The following MYO15A variants were observed in gnomAD, a reference collection of about 807,000 sequenced individuals.
MYO15A encodes the protein unconventional myosin-XV.
In MYO15A, 308 loss-of-function variants were observed where a neutral mutation model predicts 394.6. The observed-to-expected ratio is 0.78, with a 90% CI of 0.71 to 0.86. MYO15A has a LOEUF of 0.86. Among genes scored for constraint, MYO15A ranks in the 40% least tolerant of loss-of-function variants. The pLI, the probability that MYO15A is intolerant of heterozygous loss-of-function variation, is 0.00. For missense variants in MYO15A, 4,606 were observed against 4,799.1 expected, an observed-to-expected ratio of 0.96 and a Z score of 1.19; for synonymous variants, 1,957 against 2,003.8, an observed-to-expected ratio of 0.98 and a Z score of 0.62.
chr17:18,177,539 C>T (rs2047031326), intron 65 of MYO15A: 1 of 152,238 alleles, frequency 6.6e-6, no homozygotes, highest in African/African-American at 2.4e-5. Flanking sequence ...TCCATTTGCA[C>T]ACGCTGATTT....
Position 18,122,549 on chromosome 17 carries a change from G to A in MYO15A, c.3609+140G>A, listed in dbSNP as rs896072021. ...TCAGTCTCTGGGTCTGTAAGTTGGGGAGAACAGCCTGGACCTCCCAGAACC... is the reference window on the plus strand; with the variant it reads ...TCAGTCTCTGGGTCTGTAAGTTGGGAAGAACAGCCTGGACCTCCCAGAACC... On this transcript the variant is annotated intron_variant, in intron 2 of 65. Coordinates refer to ENST00000647165, the MANE Select transcript of MYO15A (RefSeq NM_016239.4). 1.1e-5 allele frequency: 14 copies of A among 1,326,660 alleles called. No individual in the cohort carries two copies. The African/African-American group carries it at 1.9e-4, about 18-fold the overall frequency. 82.2% of individuals were successfully genotyped at this position (1,326,660 alleles called of 1,614,324 possible).
intron 13 of MYO15A, among the ~76,000 whole-genome samples, chr17:18,136,195 A>G (rs2046266558): frequency 6.6e-6 from 1 of 152,066 alleles, no homozygotes; most frequent in African/African-American, 2.4e-5. Flanking sequence ...GTATCTGCTG[A>G]TGCCTCTGTC....
rs367906164 is a variant in MYO15A at position 18,162,590 on chromosome 17, G to C, written c.9523G>C (p.Ala3175Pro). The part of the protein sequence containing the change: ...RTPGLPFQGI[A>P]KACEQNLQKT... ...TGAACTCCCTGCTTCTGCAGGGATC[G>C]CCAAGGCCTGCGAGCAGAACCTGCA... The change falls in exon 58 of 66, where the codon GCC becomes CCC. Residue 3175 changes from alanine (A) to proline (P), a missense_variant. Ala to Pro is a conservative substitution (Grantham distance 27). Transcript: ENST00000647165. 2 of 1,613,600 alleles carry C rather than the reference G, an allele frequency of 1.2e-6. No homozygotes were observed. The highest frequency in any genetic ancestry group is 3.3e-5 in the Admixed American group (2 of 60,002).
At chr17:18,158,757 AC>A in intron 52 of MYO15A, 119 bp downstream of exon 52, 1 of 1,409,486 alleles carries the variant, frequency 7.1e-7, no homozygotes. Flanking sequence ...ATGAGAGACC[AC>A]CCAGGTGTGA....
intron 16 of MYO15A, chr17:18,137,911 C>T: frequency 3.5e-6 from 3 of 854,828 alleles, no homozygotes; most frequent in South Asian, 1.7e-5. Flanking sequence ...CCTTCTTCTC[C>T]TCTACTGGGC....
chr17:18,121,507 C>T lies in MYO15A; in HGVS notation c.2707C>T (p.Pro903Ser), dbSNP rs1259710459. 16 of 1,554,818 alleles carry T rather than the reference C, an allele frequency of 1.0e-5. No individual in the cohort carries two copies. The highest frequency in any genetic ancestry group is 1.4e-5 in the African/African-American group (1 of 73,256). ...RPPRAGAWRA[P>S]LEHRESPREP... ...GCCCAGGGCCGGGGCCTGGCGGGCG[C>T]CCCTGGAACACCGGGAGAGCCCGCG... The change falls in exon 2 of 66, where the codon CCC becomes TCC. Residue 903 changes from proline (P) to serine (S), a missense_variant. Pro to Ser is a moderately conservative substitution (Grantham distance 74). Coordinates refer to ENST00000647165, the MANE Select transcript of MYO15A (RefSeq NM_016239.4). The surrounding 1 kb of genome is among the most constrained non-coding windows in gnomAD (Gnocchi z 5.3).
chr17:18,139,371 T>C (rs1597789615), intron 18 of MYO15A, 163 bp from the exon 19 acceptor site: 3 of 773,994 alleles, frequency 3.9e-6, no homozygotes, highest in African/African-American at 1.7e-5. Context: ...AAGACCCAGG[T>C]TGGTCATGAG....
chr17:18,172,306 C>T lies in MYO15A; in HGVS notation c.10350+16C>T. On this transcript the variant is annotated intron_variant, in intron 64 of 65. Coordinates refer to ENST00000647165, the MANE Select transcript of MYO15A (RefSeq NM_016239.4). ...AGAGACTCATGTGAGTGGCCTCAGCCTGGCACTGCCATCGCCACCCTCTGT... is the reference window on the plus strand; with the variant it reads ...AGAGACTCATGTGAGTGGCCTCAGCTTGGCACTGCCATCGCCACCCTCTGT... 6.2e-7 allele frequency: 1 copy of T among 1,614,196 alleles called. No individual in the cohort carries two copies. Among genetic ancestry groups the T allele is most frequent in the Non-Finnish European group, 8.5e-7 (1 of 1,180,038 alleles).
intron 1 of MYO15A, among the ~76,000 whole-genome samples, chr17:18,113,064 G>T (rs1330927364): frequency 6.6e-6 from 1 of 152,066 alleles, no homozygotes; most frequent in Non-Finnish European, 1.5e-5. Context: ...GCCCAGGCTG[G>T]TCTCGAACTC....
chr17:18,121,263 G>A lies in MYO15A; in HGVS notation c.2463G>A (p.Gln821=). The change falls in exon 2 of 66, where the codon CAG becomes CAA. Residue 821 remains glutamine, a synonymous_variant. Transcript: ENST00000647165. The surrounding 1 kb of genome is among the most constrained non-coding windows in gnomAD (Gnocchi z 5.3). Reference sequence around the variant, plus strand: ...CGGCCCGCCGGCCCCGCTCGCTGCAGGAGTCCCCAGCCCCACGCCGAGCCG... The same window carrying A: ...CGGCCCGCCGGCCCCGCTCGCTGCAAGAGTCCCCAGCCCCACGCCGAGCCG... The part of the protein sequence containing the change: ...LPPARRPRSL[Q]ESPAPRRAAG... The A allele has an allele frequency of 6.9e-7, 1 of 1,451,624 alleles. No individual in the cohort carries two copies. Among genetic ancestry groups the A allele is most frequent in the Non-Finnish European group, 9.0e-7 (1 of 1,106,292 alleles). 89.9% of individuals were successfully genotyped at this position (1,451,624 alleles called of 1,614,324 possible).
rs2046514212 is a variant in MYO15A, at chr17:18,148,209, T to G, written c.6690T>G (p.Asn2230Lys). ...ASMALDVGCFNGDQFSCPVHS... is the reference protein window; with the variant it reads ...ASMALDVGCFKGDQFSCPVHS... ...TGGCGCTGGACGTGGGCTGCTTCAA[T>G]GGTAAGCTGCCTTCCCCCACCTCAG... The change falls in exon 31 of 66, where the codon AAT becomes AAG. Residue 2230 changes from asparagine (N) to lysine (K), a missense_variant and splice_region_variant. Transcript: ENST00000647165. This position sits in a 1 kb window ranked among gnomAD's most constrained non-coding sequence, Gnocchi z 4.8. 6.2e-7 allele frequency: 1 copy of G among 1,613,430 alleles called. No individual in the cohort carries two copies. The highest frequency in any genetic ancestry group is 8.5e-7 in the Non-Finnish European group (1 of 1,179,994).
chr17:18,149,260 G>C lies in MYO15A; in HGVS notation c.7001G>C (p.Arg2334Thr). ...SWDSDEDMST[R>T]PQPQEHMPKV... ...GACTCGGATGAGGACATGTCCACTA[G>C]ACCCCAGCCCCAGGAGCACATGCCC... The change falls in exon 34 of 66, where the codon AGA becomes ACA. Residue 2334 changes from arginine (R) to threonine (T), a missense_variant. This residue lies in a region of MYO15A where 2,776 missense variants were observed against 3,109.3 expected (regional missense o/e 0.89). Coordinates refer to ENST00000647165, the MANE Select transcript of MYO15A (RefSeq NM_016239.4). 6.2e-7 allele frequency: 1 copy of C among 1,614,016 alleles called. No individual in the cohort carries two copies. Among genetic ancestry groups the C allele is most frequent in the Non-Finnish European group, 8.5e-7 (1 of 1,179,986 alleles).
chr17:18,170,087 G>T (rs776084793), intron 62 of MYO15A, among the ~76,000 whole-genome samples: 29 of 150,388 alleles, frequency 1.9e-4, no homozygotes, highest in Middle Eastern at 3.5e-3. Flanking sequence ...TGCCTTCCCA[G>T]ATCTGCTTCT....
chr17:18,166,424 A>G lies in MYO15A; in HGVS notation c.9851A>G (p.Gln3284Arg). The G allele has an allele frequency of 6.2e-7, 1 of 1,614,112 alleles. No individual in the cohort carries two copies. The highest frequency in any genetic ancestry group is 1.3e-5 in the African/African-American group (1 of 75,058). The stretch of plus-strand genomic sequence containing the variant: ...CTGGATGTGGCCTCAGAGATGGAGC[A>G]GGTGGACGGCGGCTACATGCTCTGG... ...YILDVASEME[Q>R]VDGGYMLWFR... Residue 3284 changes from glutamine to arginine, a missense_variant, in exon 61 of 66, where the codon CAG becomes CGG. Transcript: ENST00000647165.
Position 18,159,622 on chromosome 17 carries a change from G to T in MYO15A, c.9246G>T (p.Met3082Ile), listed in dbSNP as rs1406977479. Residue 3082 changes from methionine (M) to isoleucine (I), a missense_variant, in exon 55 of 66, where the codon ATG becomes ATT. Around this residue, in one of 2 missense-constraint regions of MYO15A, gnomAD observed 2,776 missense variants for 3,109.3 expected, o/e 0.89. Coordinates refer to ENST00000647165, the MANE Select transcript of MYO15A (RefSeq NM_016239.4). ...TDMFLAVMRF[M>I]GDAPLKGQSD... ...TTCCTACAGCTGTAATGAGGTTCAT[G>T]GGGGATGCCCCACTGAAGGGCCAGA... 6.2e-7 allele frequency: 1 copy of T among 1,614,126 alleles called. No individual in the cohort carries two copies. The highest frequency in any genetic ancestry group is 8.5e-7 in the Non-Finnish European group (1 of 1,180,012).
intron 1 of MYO15A, among the ~76,000 whole-genome samples, chr17:18,113,036 A>T (rs550084508): frequency 6.6e-6 from 1 of 151,996 alleles, no homozygotes; most frequent in African/African-American, 2.4e-5. Context: ...TTTAGTAGAG[A>T]TGGGGTTTCA....
chr17:18,126,260 C>G (rs1190568999), intron 4 of MYO15A, 87 bp from the exon 5 acceptor site: 13 of 1,136,652 alleles, frequency 1.1e-5, no homozygotes, highest in East Asian at 9.6e-5. Flanking sequence ...CGGATGGAAA[C>G]AGGGAGCCAG....
At chr17:18,114,577 T>G (rs1255102595) in intron 1 of MYO15A, among the ~76,000 whole-genome samples, 1 of 152,128 alleles carries the variant, frequency 6.6e-6, no homozygotes, top group African/African-American at 2.4e-5. Flanking sequence ...TTGAAACCTC[T>G]TCCATCAGGT....
In MYO15A at chr17:18,148,112, A is replaced by C; in HGVS notation, c.6593A>C (p.Gln2198Pro). 1 of 1,613,878 alleles carries C rather than the reference A, an allele frequency of 6.2e-7. No homozygotes were observed. The highest frequency in any genetic ancestry group is 2.2e-5 in the East Asian group (1 of 44,862). ...LMQAMGRAQQ[Q>P]GSGAARTLPP... ...CAGGCCATGGGCCGGGCCCAACAGCAGGGCTCGGGGGCTGCCCGCACCTTA... is the reference window on the plus strand; with the variant it reads ...CAGGCCATGGGCCGGGCCCAACAGCCGGGCTCGGGGGCTGCCCGCACCTTA... The change falls in exon 31 of 66, where the codon CAG (glutamine) becomes CCG (proline). Residue 2198 changes from glutamine to proline, a missense_variant. By Grantham distance (76) the Gln-to-Pro change is moderately conservative. Coordinates refer to ENST00000647165, the MANE Select transcript of MYO15A (RefSeq NM_016239.4). This position sits in a 1 kb window ranked among gnomAD's most constrained non-coding sequence, Gnocchi z 4.8.
Sources: gnomAD v4.1 joint callset for allele counts (sites outside exome capture counted in the v4.1 genomes callset) on GRCh38, gnomAD v4.1.1 for gene constraint, gnomAD v4.1.1 regional missense constraint, Gnocchi (gnomAD v3.1) non-coding constraint, MANE v1.5 for transcripts, NCBI Gene and HGNC (gene_info 2026-07-23, HGNC 2026-07-21) for gene names.